The following TAFA2 variants were observed in gnomAD, a reference collection of about 807,000 sequenced individuals.
The protein encoded by TAFA2 is TAFA chemokine like family member 2, also known as chemokine-like protein TAFA-2.
In TAFA2, 7 loss-of-function variants were observed where a neutral mutation model predicts 18.8. The observed-to-expected ratio is 0.37, with a 90% CI of 0.21 to 0.70. TAFA2 has a LOEUF of 0.70. TAFA2 is among the 30% of genes least tolerant of loss of function. The pLI is 0.53. For synonymous variants in TAFA2, 60 were observed against 54.2 expected, an observed-to-expected ratio of 1.11 and a Z score of -0.47; for missense variants, 122 against 158.1, an observed-to-expected ratio of 0.77 and a Z score of 1.23.
intron 2 of TAFA2, among the ~76,000 whole-genome samples, chr12:61,757,199 C>T (rs1869312639): frequency 6.6e-6 from 1 of 151,978 alleles, no homozygotes; most frequent in South Asian, 2.1e-4. Flanking sequence ...AAGGATGAGA[C>T]TTAGACTAGA....
intron 1 of TAFA2, among the ~76,000 whole-genome samples, chr12:62,057,983 T>G (rs866700330): frequency 2.6e-5 from 4 of 152,180 alleles, no homozygotes; most frequent in Non-Finnish European, 4.4e-5. Flanking sequence ...AATGGCAAGC[T>G]CTCTCTTTGT....
intron 2 of TAFA2, among the ~76,000 whole-genome samples, chr12:61,794,818 G>A (rs1290680935): frequency 2.0e-5 from 3 of 152,064 alleles, no homozygotes; most frequent in Non-Finnish European, 2.9e-5. Flanking sequence ...AAAAATTTTT[G>A]CAATCTACTC....
intron 1 of TAFA2, among the ~76,000 whole-genome samples, chr12:61,925,750 G>A (rs1211797523): frequency 6.6e-6 from 1 of 152,070 alleles, no homozygotes; most frequent in Non-Finnish European, 1.5e-5. Context: ...AAGAAAGCAG[G>A]AAAGATCTAA....
At chr12:62,004,280 AG>A (rs1880473808) in intron 1 of TAFA2, among the ~76,000 whole-genome samples, 1 of 152,140 alleles carries the variant, frequency 6.6e-6, no homozygotes, top group South Asian at 2.1e-4. Flanking sequence ...TTAAGAAATG[AG>A]GTATTTGTTA....
chr12:61,860,021 T>C (rs762063805), intron 2 of TAFA2, among the ~76,000 whole-genome samples: 3 of 152,232 alleles, frequency 2.0e-5, no homozygotes, highest in Non-Finnish European at 4.4e-5. Flanking sequence ...CTGCATGGTT[T>C]AAAACAGAAT....
intron 1 of TAFA2, among the ~76,000 whole-genome samples, chr12:62,250,813 G>T (rs2062909639): frequency 6.6e-6 from 1 of 152,062 alleles, no homozygotes; most frequent in Admixed American, 6.6e-5. Context: ...ATTAATTGAG[G>T]TCTTGCATAG....
intron 1 of TAFA2, among the ~76,000 whole-genome samples, chr12:62,163,858 C>T (rs547708664): frequency 3.9e-5 from 6 of 151,992 alleles, no homozygotes; most frequent in Non-Finnish European, 5.9e-5. Flanking sequence ...TCTGTATTAA[C>T]GTGTAGTATT....
intron 2 of TAFA2, among the ~76,000 whole-genome samples, chr12:61,761,041 G>T (rs996732676): frequency 6.6e-6 from 1 of 151,906 alleles, no homozygotes; most frequent in Non-Finnish European, 1.5e-5. Flanking sequence ...GCCTTCCAAG[G>T]TTATGGCCCT....
chr12:61,741,738 A>C (rs1267213081), intron 4 of TAFA2, among the ~76,000 whole-genome samples: 1 of 152,132 alleles, frequency 6.6e-6, no homozygotes, highest in African/African-American at 2.4e-5. Flanking sequence ...ACTCTTGGAC[A>C]GCAAAGAGTC....
intron 1 of TAFA2, chr12:61,877,993 G>T: frequency 2.2e-6 from 1 of 447,280 alleles, no homozygotes; most frequent in Non-Finnish European, 4.5e-6. Context: ...GCCTTAAAAA[G>T]AAATTACAAC....
intron 1 of TAFA2, among the ~76,000 whole-genome samples, chr12:62,076,164 A>T (rs548904536): frequency 6.6e-6 from 1 of 152,200 alleles, no homozygotes; most frequent in Non-Finnish European, 1.5e-5. Context: ...TGTTGTATTA[A>T]AAGTTAGCTA....
At chr12:61,725,559 G>C (rs1436230399) in intron 4 of TAFA2, among the ~76,000 whole-genome samples, 5 of 151,866 alleles carry the variant, frequency 3.3e-5, no homozygotes, top group Non-Finnish European at 5.9e-5. Context: ...CCCACTTTAT[G>C]CTTTTGTTTG....
chr12:62,225,998 C>T (rs1461415977), intron 1 of TAFA2, among the ~76,000 whole-genome samples: 2 of 152,184 alleles, frequency 1.3e-5, no homozygotes, highest in Non-Finnish European at 2.9e-5. Context: ...TCTCACATAA[C>T]ATGCACTCCA....
chr12:62,236,532 T>C (rs1461226984), intron 1 of TAFA2, among the ~76,000 whole-genome samples: 1 of 152,242 alleles, frequency 6.6e-6, no homozygotes, highest in East Asian at 1.9e-4. Flanking sequence ...CCCAAAGTGC[T>C]GGGATTACAG....
intron 1 of TAFA2, among the ~76,000 whole-genome samples, chr12:62,016,499 G>A (rs551987760): frequency 6.6e-6 from 1 of 152,248 alleles, no homozygotes; most frequent in African/African-American, 2.4e-5. Flanking sequence ...TACTGGAAAA[G>A]CTAATCGGAA....
chr12:61,942,498 T>C, intron 1 of TAFA2, among the ~76,000 whole-genome samples: 1 of 144,962 alleles, frequency 6.9e-6, no homozygotes, highest in Non-Finnish European at 1.5e-5. Flanking sequence ...GACGATCAAA[T>C]TACTCTGAGC....
chr12:62,041,866 T>C (rs576887757), intron 1 of TAFA2, among the ~76,000 whole-genome samples: 2 of 152,212 alleles, frequency 1.3e-5, no homozygotes, highest in South Asian at 4.1e-4. Context: ...CCTACTTCAT[T>C]TTAAGGCAAA....
intron 1 of TAFA2, among the ~76,000 whole-genome samples, chr12:61,968,116 T>C (rs944090366): frequency 7.9e-5 from 12 of 151,854 alleles, no homozygotes; most frequent in Non-Finnish European, 1.6e-4. Context: ...TAGATAGCAG[T>C]AGAAAAGAAA....
intron 2 of TAFA2, among the ~76,000 whole-genome samples, chr12:61,797,638 C>T (rs1341608669): frequency 6.6e-6 from 1 of 152,150 alleles, no homozygotes; most frequent in East Asian, 1.9e-4. Flanking sequence ...CTGAATTCAG[C>T]CTCCTTGGTT....
Sources: allele counts gnomAD v4.1 joint callset (sites outside exome capture counted in the v4.1 genomes callset), GRCh38; gene constraint gnomAD v4.1.1; transcripts MANE v1.5; gene names NCBI Gene and HGNC (gene_info 2026-07-23, HGNC 2026-07-21).